CCL17: variants seen among roughly 807,000 people sequenced by gnomAD.
CCL17 encodes C-C motif chemokine 17.
CCL17 carries 8 observed loss-of-function variants against 7.4 expected under a neutral mutation model. That is an observed-to-expected ratio of 1.09 (90% CI 0.64 to 1.96). The LOEUF is 1.96. CCL17 is among the 30% of genes most tolerant of loss of function. CCL17 has a pLI of 0.00. For missense variants in CCL17, 102 were observed against 113.0 expected (o/e 0.90, Z 0.44); for synonymous variants, 40 against 46.1 (o/e 0.87, Z 0.54).
At chr16:57,411,926 C>T (rs1598012961) in intron 1 of CCL17, among the ~76,000 whole-genome samples, 1 of 152,176 alleles carries the variant, frequency 6.6e-6, no homozygotes, top group Non-Finnish European at 1.5e-5. Context: ...GGAAGAGCAG[C>T]CTCCCCTCCC....
In CCL17 at chr16:57,415,111, G is replaced by C; in HGVS notation, c.101G>C (p.Cys34Ser). The C allele has an allele frequency of 6.2e-7, 1 of 1,613,928 alleles. No homozygotes were observed. Among genetic ancestry groups the C allele is most frequent in the Non-Finnish European group, 8.5e-7 (1 of 1,179,834 alleles). The change falls in exon 3 of 4, where the codon TGC becomes TCC. Residue 34 changes from cysteine (C) to serine (S), a missense_variant. By Grantham distance (112) the Cys-to-Ser change is moderately radical. Transcript: ENST00000219244. The surrounding 1 kb of genome is among the most constrained non-coding windows in gnomAD (Gnocchi z 4.5). Reference sequence around the variant, plus strand: ...GGGACCAATGTGGGCCGGGAGTGCTGCCTGGAGTACTTCAAGGGAGCCATT... The same window carrying C: ...GGGACCAATGTGGGCCGGGAGTGCTCCCTGGAGTACTTCAAGGGAGCCATT... ...ARGTNVGREC[C>S]LEYFKGAIPL...
rs1902846336 is a variant in CCL17, at chr16:57,415,024, C to G, written c.71-57C>G. 3.5e-6 allele frequency: 4 copies of G among 1,154,808 alleles called. No homozygotes were observed. The highest frequency in any genetic ancestry group is 5.2e-6 in the Non-Finnish European group (4 of 762,648). 71.5% of individuals were successfully genotyped at this position (1,154,808 alleles called of 1,614,324 possible). ...CTTCCACGAACACCCCCCAGAGGTC[C>G]CCGCAACACACACGCAGACACTCAC... On this transcript the variant is annotated intron_variant, in intron 2 of 3. Coordinates refer to ENST00000219244, the MANE Select transcript of CCL17 (RefSeq NM_002987.3). The surrounding 1 kb of genome is among the most constrained non-coding windows in gnomAD (Gnocchi z 4.5).
chr16:57,405,215 T>G (rs1598009945), intron 1 of CCL17, among the ~76,000 whole-genome samples: 4 of 152,002 alleles, frequency 2.6e-5, no homozygotes, highest in Admixed American at 2.6e-4. Flanking sequence ...ATCCACCACA[T>G]GTGGGCATGC....
At chr16:57,397,197 A>C in the CCL17 span, among the ~76,000 whole-genome samples, 2 of 152,236 alleles carry the variant, frequency 1.3e-5, no homozygotes, top group African/African-American at 4.8e-5. Context: ...CCAAGGGATT[A>C]TGCCTTTGGC....
intron 1 of CCL17, among the ~76,000 whole-genome samples, chr16:57,410,469 G>A (rs1320868764): frequency 6.6e-6 from 1 of 152,074 alleles, no homozygotes; most frequent in Non-Finnish European, 1.5e-5. Flanking sequence ...CCCTGCCATG[G>A]CCCTTTCCCT....
chr16:57,403,147 TAA>T (rs1397950105), upstream of CCL17, among the ~76,000 whole-genome samples: 1 of 90,680 alleles, frequency 1.1e-5, no homozygotes, highest in Non-Finnish European at 2.0e-5. Flanking sequence ...TTATTATCTA[TAA>T]TATATATAAT....
upstream of CCL17, among the ~76,000 whole-genome samples, chr16:57,403,651 A>AAT (rs1380041103): frequency 7.0e-4 from 55 of 78,722 alleles, 1 homozygote; most frequent in Middle Eastern, 4.7e-3. Context: ...AAATATATAT[A>AAT]ATATATATAT....
chr16:57,404,260 C>T (rs72792971), upstream of CCL17, among the ~76,000 whole-genome samples: 2,844 of 152,244 alleles, frequency 0.019, 31 homozygotes, highest in South Asian at 0.031. Context: ...TTCATGGTCC[C>T]TCTGCTGCTG....
chr16:57,413,036 G>A (rs1284650585), intron 1 of CCL17, among the ~76,000 whole-genome samples: 1 of 152,206 alleles, frequency 6.6e-6, no homozygotes, highest in Non-Finnish European at 1.5e-5. Flanking sequence ...CTCAGGGCCT[G>A]GCTCAGGCTG....
intron 1 of CCL17, among the ~76,000 whole-genome samples, chr16:57,413,141 TC>T (rs1198745927): frequency 6.6e-6 from 1 of 152,126 alleles, no homozygotes; most frequent in Non-Finnish European, 1.5e-5. Flanking sequence ...TTGTTCTGTA[TC>T]TTAGTGTAAG....
rs1902856297 is a variant in CCL17, at chr16:57,415,608, G to C, written c.189-157G>C. ...GTCGAGATTACTCGGGACAGAGCCT[G>C]AAGTCCCAGATCTGCCACCAATGCC... is the stretch of plus-strand genomic sequence containing the variant. On this transcript the variant is annotated intron_variant, in intron 3 of 3. Transcript: ENST00000219244. This position sits in a 1 kb window ranked among gnomAD's most constrained non-coding sequence, Gnocchi z 4.5. Among the ~76,000 whole-genome samples, 1 of 152,182 alleles carries C rather than the reference G, an allele frequency of 6.6e-6. No homozygotes were observed. The highest frequency in any genetic ancestry group is 2.4e-5 in the African/African-American group (1 of 41,440).
chr16:57,404,412 G>A (rs1462524250), upstream of CCL17, among the ~76,000 whole-genome samples: 2 of 152,144 alleles, frequency 1.3e-5, no homozygotes, highest in African/African-American at 4.8e-5. Flanking sequence ...TGGGAAGTTG[G>A]GGGCGAGAGG....
Position 57,415,686 on chromosome 16 carries a change from A to G in CCL17, c.189-79A>G. 1 of 879,704 alleles carries G rather than the reference A, an allele frequency of 1.1e-6. No homozygotes were observed. Among genetic ancestry groups the G allele is most frequent in the South Asian group, 1.3e-5 (1 of 74,192 alleles). The allele number at this position is 879,704 out of a possible 1,614,324, so 54.5% of individuals were successfully genotyped here. ...CTCTTGGAGCCTTGGAATCCTGGTC[A>G]GCACAGGGCGGGCCGTCCCAGGGAC... On this transcript the variant is annotated intron_variant, in intron 3 of 3. Transcript: ENST00000219244. This position sits in a 1 kb window ranked among gnomAD's most constrained non-coding sequence, Gnocchi z 4.5.
intron 1 of CCL17, among the ~76,000 whole-genome samples, chr16:57,411,222 G>T (rs1235523688): frequency 1.3e-5 from 2 of 152,120 alleles, no homozygotes; most frequent in African/African-American, 4.8e-5. Flanking sequence ...GTCCCTATGA[G>T]GGGTCAGGGC....
chr16:57,403,555 A>AT (rs1902643735), upstream of CCL17, among the ~76,000 whole-genome samples: 1 of 43,094 alleles, frequency 2.3e-5, no homozygotes, highest in African/African-American at 1.0e-4. Context: ...TATATTTTAT[A>AT]TATATATAAT....
In CCL17 at chr16:57,415,198, T is replaced by A. The variant is rs1902850539; in HGVS notation, c.188T>A (p.Val63Asp). ...TSEDCSRDAI[V>D]FVTVQGRAIC... Reference sequence around the variant, plus strand: ...GAGGACTGCTCCAGGGATGCCATCGTGTAAGTCCCCCTGGCTCCACCCCTG... The same window carrying A: ...GAGGACTGCTCCAGGGATGCCATCGAGTAAGTCCCCCTGGCTCCACCCCTG... Residue 63 changes from valine (V) to aspartate (D), a missense_variant and splice_region_variant, in exon 3 of 4, where the codon GTT (valine) becomes GAT (aspartate). Coordinates refer to ENST00000219244, the MANE Select transcript of CCL17 (RefSeq NM_002987.3). The surrounding 1 kb of genome is among the most constrained non-coding windows in gnomAD (Gnocchi z 4.5). The A allele has an allele frequency of 6.3e-7, 1 of 1,588,518 alleles. No individual in the cohort carries two copies. Among genetic ancestry groups the A allele is most frequent in the African/African-American group, 1.3e-5 (1 of 74,344 alleles).
chr16:57,399,262 C>T, the CCL17 span, among the ~76,000 whole-genome samples: 5 of 152,082 alleles, frequency 3.3e-5, no homozygotes, highest in African/African-American at 7.2e-5. Flanking sequence ...TACATTGCCA[C>T]GACCACCATC....
At chr16:57,407,454 T>A (rs60679405) in intron 1 of CCL17, among the ~76,000 whole-genome samples, 10,523 of 152,238 alleles carry the variant, frequency 0.069, 579 homozygotes, top group African/African-American at 0.15. Context: ...GTTTAAAAAC[T>A]ATTTGGATGA....
chr16:57,407,075 C>G (rs1705235525), intron 1 of CCL17, among the ~76,000 whole-genome samples: 1 of 152,060 alleles, frequency 6.6e-6, no homozygotes, highest in Non-Finnish European at 1.5e-5. Flanking sequence ...CACATCGGAG[C>G]AGTTTGGTCA....
Sources: gnomAD v4.1 joint callset for allele counts (sites outside exome capture counted in the v4.1 genomes callset) on GRCh38, gnomAD v4.1.1 for gene constraint, Gnocchi (gnomAD v3.1) non-coding constraint, MANE v1.5 for transcripts, NCBI Gene and HGNC (gene_info 2026-07-23, HGNC 2026-07-21) for gene names.